Variants in PARD3B observed in about 807,000 individuals in gnomAD.
PARD3B encodes the protein partitioning defective 3 homolog B.
Under a neutral mutation model 130.2 loss-of-function variants are expected in PARD3B, and 103 were observed. The observed-to-expected ratio is 0.79, with a 90% CI of 0.67 to 0.93. The LOEUF (loss-of-function observed/expected upper bound fraction) is 0.93, where lower values mean the gene tolerates loss of function less well. Among genes scored for constraint, PARD3B ranks in the 40% least tolerant of loss-of-function variants. The pLI is 0.00. For missense variants in PARD3B, 1,609 were observed against 1,499.2 expected (o/e 1.07, Z -1.21); for synonymous variants, 583 against 553.2 (o/e 1.05, Z -0.76).
chr2:205,612,533 G>A (rs1198932852), intron 22 of PARD3B, among the ~76,000 whole-genome samples: 1 of 152,138 alleles, frequency 6.6e-6, no homozygotes, highest in East Asian at 1.9e-4. Flanking sequence ...AGGAAATTCT[G>A]TTATGAACAA....
chr2:205,328,853 T>C (rs1356299562), intron 18 of PARD3B, among the ~76,000 whole-genome samples: 2 of 152,214 alleles, frequency 1.3e-5, no homozygotes, highest in Non-Finnish European at 2.9e-5. Context: ...TGTGTTTTTA[T>C]TTCTTTTGGT....
At chr2:205,544,820 A>G (rs916212142) in intron 21 of PARD3B, among the ~76,000 whole-genome samples, 12 of 152,324 alleles carry the variant, frequency 7.9e-5, no homozygotes, top group Middle Eastern at 3.4e-3. Flanking sequence ...GGTCAACATA[A>G]ATGTGGAAAT....
At chr2:204,956,089 C>T (rs1690214026) in intron 2 of PARD3B, among the ~76,000 whole-genome samples, 1 of 152,208 alleles carries the variant, frequency 6.6e-6, no homozygotes, top group African/African-American at 2.4e-5. Flanking sequence ...AACCCAGGCC[C>T]TTGCCATGCT....
intron 18 of PARD3B, among the ~76,000 whole-genome samples, chr2:205,348,323 GA>G (rs1376800205): frequency 6.6e-6 from 1 of 152,188 alleles, no homozygotes; most frequent in African/African-American, 2.4e-5. Flanking sequence ...AGATGATCTT[GA>G]CATTCTCCTC....
chr2:205,039,851 G>C (rs577142684), intron 3 of PARD3B, among the ~76,000 whole-genome samples: 65 of 152,350 alleles, frequency 4.3e-4, no homozygotes, highest in Admixed American at 2.9e-3. Flanking sequence ...TACCCAGATA[G>C]AGAATGTGGC....
chr2:205,544,319 A>G (rs922838605), intron 21 of PARD3B, among the ~76,000 whole-genome samples: 3 of 151,734 alleles, frequency 2.0e-5, no homozygotes, highest in Admixed American at 6.6e-5. Context: ...AGCCAGTGTT[A>G]CAATATCTCT....
At chr2:205,547,476 A>G (rs2052427858) in intron 21 of PARD3B, among the ~76,000 whole-genome samples, 1 of 152,160 alleles carries the variant, frequency 6.6e-6, no homozygotes. Context: ...ACCATAAGGG[A>G]TGTTAAAGAA....
intron 2 of PARD3B, among the ~76,000 whole-genome samples, chr2:204,751,668 G>A (rs777038956): frequency 3.9e-4 from 60 of 152,178 alleles, no homozygotes; most frequent in Admixed American, 2.0e-4. Flanking sequence ...AACTTGCTGA[G>A]TAGGTATTTT....
At chr2:205,356,003 A>G (rs530132896) in intron 18 of PARD3B, among the ~76,000 whole-genome samples, 2 of 152,304 alleles carry the variant, frequency 1.3e-5, no homozygotes, top group African/African-American at 4.8e-5. Context: ...TACGGGGACT[A>G]TAATTCCAGA....
chr2:205,076,705 G>A (rs13412243), intron 4 of PARD3B, among the ~76,000 whole-genome samples: 2,277 of 152,162 alleles, frequency 0.015, 26 homozygotes, highest in Middle Eastern at 0.034. Context: ...TAGGTTGTAC[G>A]CTCCTTACGA....
intron 2 of PARD3B, among the ~76,000 whole-genome samples, chr2:204,881,915 A>C (rs1289794924): frequency 6.6e-6 from 1 of 152,206 alleles, no homozygotes; most frequent in Non-Finnish European, 1.5e-5. Context: ...AGGCAAAGCT[A>C]GTTCCAAGAA....
At chr2:204,855,292 C>T (rs2044878388) in intron 2 of PARD3B, among the ~76,000 whole-genome samples, 1 of 152,068 alleles carries the variant, frequency 6.6e-6, no homozygotes, top group Non-Finnish European at 1.5e-5. Flanking sequence ...TGCCTGTTAT[C>T]CCAGCACTTT....
At position 204,565,573 on chromosome 2, in the gene PARD3B, C is replaced by G. The variant is rs184597232; in HGVS notation, c.120+19454C>G. Among the ~76,000 whole-genome samples, 505 of 152,218 alleles carry G rather than the reference C, an allele frequency of 3.3e-3. 3 individuals carry two copies. Among genetic ancestry groups the G allele is most frequent in the African/African-American group, 0.011 (465 of 41,530 alleles). On this transcript the variant is annotated intron_variant, in intron 1 of 22. Transcript: ENST00000406610. ...TTACTATCAATTTCATCAGAAACAT[C>G]TAAGTATTGAGAAGCTATCAAGCTC... is the stretch of plus-strand genomic sequence containing the variant.
intron 2 of PARD3B, among the ~76,000 whole-genome samples, chr2:204,951,527 G>T (rs975554129): frequency 3.3e-5 from 5 of 151,844 alleles, no homozygotes; most frequent in African/African-American, 1.2e-4. Flanking sequence ...TATTGTTCTG[G>T]GTGCATATTT....
chr2:204,952,933 C>T (rs1173364614), intron 2 of PARD3B, among the ~76,000 whole-genome samples: 3 of 148,748 alleles, frequency 2.0e-5, no homozygotes, highest in African/African-American at 5.0e-5. Flanking sequence ...GGAGGTGGAG[C>T]TTGCAGTGAG....
intron 2 of PARD3B, among the ~76,000 whole-genome samples, chr2:204,939,223 G>A (rs1035082947): frequency 4.6e-5 from 7 of 151,888 alleles, no homozygotes; most frequent in Admixed American, 1.3e-4. Flanking sequence ...GATCCATAAC[G>A]TATTAACGCT....
chr2:205,478,145 G>T (rs1294595588), intron 20 of PARD3B, among the ~76,000 whole-genome samples: 1 of 152,192 alleles, frequency 6.6e-6, no homozygotes, highest in Non-Finnish European at 1.5e-5. Context: ...GCAATGAATG[G>T]TGTCTATGGC....
rs990974166 is a variant in PARD3B, at chr2:204,669,068, C to T, written c.121-17113C>T. Among the ~76,000 whole-genome samples the T allele has an allele frequency of 2.6e-5, 4 of 152,140 alleles. No homozygotes were observed. Among genetic ancestry groups the T allele is most frequent in the African/African-American group, 9.7e-5 (4 of 41,432 alleles). On this transcript the variant is annotated intron_variant, in intron 1 of 22. Coordinates refer to ENST00000406610, the MANE Select transcript of PARD3B (RefSeq NM_001302769.2). This position sits in a 1 kb window ranked among gnomAD's most constrained non-coding sequence, Gnocchi z 4.3. ...AGGTCCACTCACATCTTGATGTTCA[C>T]CTAGTAAGATCCACGCCTGACTTCA...
chr2:204,560,553 G>T (rs778907765), intron 1 of PARD3B, among the ~76,000 whole-genome samples: 2 of 151,792 alleles, frequency 1.3e-5, no homozygotes, highest in Non-Finnish European at 2.9e-5. Context: ...AGGGAAGTAG[G>T]AGTGGAAGAT....
Sources: allele counts gnomAD v4.1 joint callset (sites outside exome capture counted in the v4.1 genomes callset), GRCh38; gene constraint gnomAD v4.1.1; non-coding constraint Gnocchi (gnomAD v3.1); transcripts MANE v1.5; gene names NCBI Gene and HGNC (gene_info 2026-07-23, HGNC 2026-07-21).